The following PDIK1L variants were observed in gnomAD, a reference collection of about 807,000 sequenced individuals.
PDIK1L encodes serine/threonine-protein kinase PDIK1L.
PDIK1L carries 9 observed loss-of-function variants against 27.1 expected under a neutral mutation model. The ratio of observed to expected loss-of-function variants is 0.33; its 90% CI spans 0.20 to 0.58. The LOEUF is 0.58. PDIK1L is among the 20% of genes least tolerant of loss of function. PDIK1L has a pLI of 0.86. For missense variants in PDIK1L, 216 were observed against 413.2 expected (o/e 0.52, Z 4.14); for synonymous variants, 130 against 141.7 (o/e 0.92, Z 0.59).
intron 2 of PDIK1L, among the ~76,000 whole-genome samples, chr1:26,117,101 G>A (rs1044595906): frequency 8.5e-5 from 12 of 141,218 alleles, no homozygotes; most frequent in African/African-American, 3.2e-4. Flanking sequence ...GTGCGATCTC[G>A]GCTCACTGCA....
At chr1:26,116,368 G>A (rs1346776058) in intron 2 of PDIK1L, among the ~76,000 whole-genome samples, 4 of 151,422 alleles carry the variant, frequency 2.6e-5, no homozygotes, top group African/African-American at 7.3e-5. Flanking sequence ...GCAAAAATTA[G>A]CCAGGCATGG....
chr1:26,124,257 G>A lies in PDIK1L; in HGVS notation c.*1680G>A, dbSNP rs1360545989. On this transcript the variant is annotated 3_prime_UTR_variant, in exon 3 of 3. Coordinates refer to ENST00000374269, the MANE Select transcript of PDIK1L (RefSeq NM_152835.5). The stretch of plus-strand genomic sequence containing the variant: ...ACTTGATCTGGAAGTTTAAAATTTG[G>A]ACTAAAAGGTTTTATTGAAATAAAG... The A allele has an allele frequency of 1.3e-5, 2 of 152,200 alleles. No homozygotes were observed. Among genetic ancestry groups the A allele is most frequent in the African/African-American group, 4.8e-5 (2 of 41,412 alleles). 9.4% of individuals were successfully genotyped at this position (152,200 alleles called of 1,614,324 possible).
upstream of PDIK1L, chr1:26,111,378 G>C (rs1435731306): frequency 6.6e-6 from 1 of 152,270 alleles, no homozygotes; most frequent in Non-Finnish European, 1.5e-5. This position sits in a 1 kb window ranked among gnomAD's most constrained non-coding sequence, Gnocchi z 4.0. Context: ...AGATGCACCG[G>C]GCGTTCCACC....
Position 26,114,546 on chromosome 1 carries a change from A to G in PDIK1L, c.238A>G (p.Met80Val), listed in dbSNP as rs968596492. ...GGAATGCATCCTACAAAAGGATGGGATGGTGCAAAAGATGTCCCACGGCTC... is the reference window on the plus strand; with the variant it reads ...GGAATGCATCCTACAAAAGGATGGGGTGGTGCAAAAGATGTCCCACGGCTC... ...LEECILQKDG[M>V]VQKMSHGSNS... Residue 80 changes from methionine to valine, a missense_variant, in exon 2 of 3, where the codon ATG becomes GTG. Coordinates refer to ENST00000374269, the MANE Select transcript of PDIK1L (RefSeq NM_152835.5). The surrounding 1 kb of genome is among the most constrained non-coding windows in gnomAD (Gnocchi z 4.8). 6.2e-6 allele frequency: 10 copies of G among 1,614,036 alleles called. No individual in the cohort carries two copies. In the Admixed American group the frequency reaches 1.5e-4, roughly 24 times the overall value.
At chr1:26,120,877 G>A (rs1284247056) in intron 2 of PDIK1L, among the ~76,000 whole-genome samples, 1 of 151,372 alleles carries the variant, frequency 6.6e-6, no homozygotes, top group Non-Finnish European at 1.5e-5. Context: ...TCTTGAACCT[G>A]GGAGGCGGAG....
intron 2 of PDIK1L, among the ~76,000 whole-genome samples, chr1:26,118,856 T>C (rs1456938421): frequency 6.6e-6 from 1 of 152,230 alleles, no homozygotes; most frequent in Non-Finnish European, 1.5e-5. Flanking sequence ...TCCCTATGCA[T>C]GGTATATTCT....
At chr1:26,120,812 C>T (rs1200244793) in intron 2 of PDIK1L, among the ~76,000 whole-genome samples, 1 of 152,004 alleles carries the variant, frequency 6.6e-6, no homozygotes, top group Admixed American at 6.6e-5. Context: ...GTTAGCTGGG[C>T]GTGGTGGCAC....
chr1:26,125,197 G>A lies in PDIK1L; in HGVS notation c.*2620G>A, dbSNP rs1302169397. 1 of 152,502 alleles carries A rather than the reference G, an allele frequency of 6.6e-6. No individual in the cohort carries two copies. The highest frequency in any genetic ancestry group is 1.5e-5 in the Non-Finnish European group (1 of 67,982). The allele number at this position is 152,502 out of a possible 1,614,324, so 9.4% of individuals were successfully genotyped here. On this transcript the variant is annotated 3_prime_UTR_variant, in exon 3 of 3. Coordinates refer to ENST00000374269, the MANE Select transcript of PDIK1L (RefSeq NM_152835.5). Reference sequence around the variant, plus strand: ...AAGATGGGGTTCCTGTAGATTTTTTGGTGCTAAGGGATACTTTGTCATTAT... The same window carrying A: ...AAGATGGGGTTCCTGTAGATTTTTTAGTGCTAAGGGATACTTTGTCATTAT...
intron 2 of PDIK1L, among the ~76,000 whole-genome samples, 165 bp from the exon 3 acceptor site, chr1:26,121,672 T>A (rs547532696): frequency 1.3e-5 from 2 of 152,348 alleles, no homozygotes; most frequent in East Asian, 1.9e-4. Context: ...GTTGAAGCAT[T>A]TTTTAAAGTT....
At chr1:26,117,190 C>T (rs977400179) in intron 2 of PDIK1L, among the ~76,000 whole-genome samples, 1 of 151,822 alleles carries the variant, frequency 6.6e-6, no homozygotes, top group African/African-American at 2.4e-5. Context: ...CGTCACCATG[C>T]CTGGCTAATT....
chr1:26,118,925 T>C (rs1488595486), intron 2 of PDIK1L, among the ~76,000 whole-genome samples: 1 of 152,222 alleles, frequency 6.6e-6, no homozygotes, highest in African/African-American at 2.4e-5. Context: ...TTGTTCTCAG[T>C]TGGAATCATT....
At chr1:26,113,499 A>T (rs1335999373) in intron 1 of PDIK1L, among the ~76,000 whole-genome samples, 2 of 76,700 alleles carry the variant, frequency 2.6e-5, no homozygotes, top group Non-Finnish European at 5.9e-5. Flanking sequence ...GACTCCGTCT[A>T]AAAAAAAAAA....
At chr1:26,112,107 G>A (rs371284679) in intron 1 of PDIK1L, among the ~76,000 whole-genome samples, 192 bp downstream of exon 1, 2 of 152,154 alleles carry the variant, frequency 1.3e-5, no homozygotes, top group East Asian at 3.9e-4. Flanking sequence ...CCGGCCCTCA[G>A]CCCCCAGCCC....
Position 26,121,823 on chromosome 1 carries a change from C to A in PDIK1L, c.286-14C>A. ...TATGCAAATGATTGTAATCTTTTTT[C>A]TTCCTTCTTGTAGCTTGTAGAAACT... On this transcript the variant is annotated splice_polypyrimidine_tract_variant and intron_variant, in intron 2 of 2. Coordinates refer to ENST00000374269, the MANE Select transcript of PDIK1L (RefSeq NM_152835.5). 2 of 1,582,756 alleles carry A rather than the reference C, an allele frequency of 1.3e-6. No homozygotes were observed. The highest frequency in any genetic ancestry group is 1.7e-6 in the Non-Finnish European group (2 of 1,167,676).
At chr1:26,116,745 T>C (rs2087882826) in intron 2 of PDIK1L, among the ~76,000 whole-genome samples, 1 of 152,214 alleles carries the variant, frequency 6.6e-6, no homozygotes, top group Admixed American at 6.5e-5. Context: ...AAGAAGTTTT[T>C]GCTCTTGTCG....
chr1:26,124,651 C>G lies in PDIK1L; in HGVS notation c.*2074C>G, dbSNP rs928377001. ...TTATCATTTACTTGGAAAGATTTTA[C>G]CTGTGAAGTGAAATTCTTTCATTGG... On this transcript the variant is annotated 3_prime_UTR_variant, in exon 3 of 3. Coordinates refer to ENST00000374269, the MANE Select transcript of PDIK1L (RefSeq NM_152835.5). 6.6e-6 allele frequency: 1 copy of G among 152,066 alleles called. No individual in the cohort carries two copies. Among genetic ancestry groups the G allele is most frequent in the East Asian group, 1.9e-4 (1 of 5,196 alleles). 9.4% of individuals were successfully genotyped at this position (152,066 alleles called of 1,614,324 possible).
chr1:26,120,254 A>G (rs2087956578), intron 2 of PDIK1L, among the ~76,000 whole-genome samples: 1 of 152,224 alleles, frequency 6.6e-6, no homozygotes, highest in Non-Finnish European at 1.5e-5. Context: ...GCCTTACTCT[A>G]AAACATTCTT....
rs979884100 is a variant in PDIK1L at position 26,124,612 on chromosome 1, A to C, written c.*2035A>C. The C allele has an allele frequency of 6.6e-6, 1 of 152,190 alleles. No individual in the cohort carries two copies. Among genetic ancestry groups the C allele is most frequent in the Non-Finnish European group, 1.5e-5 (1 of 68,024 alleles). The allele number at this position is 152,190 out of a possible 1,614,324, so 9.4% of individuals were successfully genotyped here. A position where few individuals can be genotyped will look rare whatever the true frequency, so the allele number is the denominator to read the frequency against. On this transcript the variant is annotated 3_prime_UTR_variant, in exon 3 of 3. Transcript: ENST00000374269. ...CATAGTTTTTGGTCCTGCCTCATGT[A>C]AAATAGTTAATGATTATCATTTACT...
At chr1:26,112,466 G>C (rs774912394) in intron 1 of PDIK1L, 4 of 152,316 alleles carry the variant, frequency 2.6e-5, no homozygotes, top group Non-Finnish European at 2.9e-5. Context: ...TCAGGAAGGT[G>C]CTCTTCCCCA....
Sources: gnomAD v4.1 joint callset for allele counts (sites outside exome capture counted in the v4.1 genomes callset) on GRCh38, gnomAD v4.1.1 for gene constraint, Gnocchi (gnomAD v3.1) non-coding constraint, MANE v1.5 for transcripts, NCBI Gene and HGNC (gene_info 2026-07-23, HGNC 2026-07-21) for gene names.